The following ZNF486 variants were observed in gnomAD, a reference collection of about 807,000 sequenced individuals.
ZNF486 encodes zinc finger protein 486, also known as KRAB box only protein 2.
In ZNF486, 12 loss-of-function variants were observed where a neutral mutation model predicts 12.8. That is an observed-to-expected ratio of 0.94 (90% CI 0.60 to 1.52). The LOEUF (loss-of-function observed/expected upper bound fraction) is 1.52, where lower values mean the gene tolerates loss of function less well. Ranked by LOEUF, ZNF486 falls within the 40% of genes most tolerant of loss-of-function variation. ZNF486 has a pLI of 0.00. For synonymous variants in ZNF486, 231 were observed against 184.9 expected, an observed-to-expected ratio of 1.25 and a Z score of -2.02; for missense variants, 738 against 545.0, an observed-to-expected ratio of 1.35 and a Z score of -3.53.
At position 20,192,552 on chromosome 19, in the gene ZNF486, C is replaced by T. The variant is rs566120183; in HGVS notation, c.254-4412C>T. 2.0e-5 allele frequency among the ~76,000 whole-genome samples: 3 copies of T among 152,240 alleles called. No homozygotes were observed. The East Asian group carries it at 5.8e-4, about 29-fold the overall frequency. On this transcript the variant is annotated intron_variant, in intron 3 of 3. Coordinates refer to ENST00000335117, the MANE Select transcript of ZNF486 (RefSeq NM_052852.4). ...TAAACTTCTGACCTCAGGTGATCTGCCCGCCTCTGCCTCCCAAAGTGCTGG... is the reference window on the plus strand; with the variant it reads ...TAAACTTCTGACCTCAGGTGATCTGTCCGCCTCTGCCTCCCAAAGTGCTGG...
chr19:20,171,905 G>T (rs555999699), intron 1 of ZNF486, among the ~76,000 whole-genome samples: 1 of 151,426 alleles, frequency 6.6e-6, no homozygotes, highest in African/African-American at 2.4e-5. Flanking sequence ...AGTGTCTGTT[G>T]TTCTCCTCTT....
chr19:20,167,326 C>A lies in ZNF486; in HGVS notation c.-5C>A. The A allele has an allele frequency of 1.2e-6, 2 of 1,614,024 alleles. No individual in the cohort carries two copies. The highest frequency in any genetic ancestry group is 1.7e-6 in the Non-Finnish European group (2 of 1,179,930). ...CCTGTAGGTATTGGGAGATCCACAG[C>A]CAAGATGCCGGGACCCCTTAGAAGC... On this transcript the variant is annotated 5_prime_UTR_variant, in exon 1 of 4. Transcript: ENST00000335117.
intron 1 of ZNF486, among the ~76,000 whole-genome samples, chr19:20,182,122 T>A (rs1262591005): frequency 6.6e-6 from 1 of 152,170 alleles, no homozygotes; most frequent in Non-Finnish European, 1.5e-5. Context: ...GTATCAGAAG[T>A]ATTTGGTTGT....
intron 1 of ZNF486, among the ~76,000 whole-genome samples, chr19:20,177,461 CATG>C (rs2089732523): frequency 6.6e-6 from 1 of 152,358 alleles, no homozygotes; most frequent in South Asian, 2.1e-4. Flanking sequence ...CGATGTATGA[CATG>C]GTGCTTTAAA....
Position 20,197,844 on chromosome 19 carries a change from C to G in ZNF486, c.1134C>G (p.Tyr378Ter), listed in dbSNP as rs1365576361. The G allele has an allele frequency of 1.1e-5, 17 of 1,613,296 alleles. No homozygotes were observed. Among genetic ancestry groups the G allele is most frequent in the Non-Finnish European group, 1.4e-5 (17 of 1,179,938 alleles). ...HKIIHTGEKP[Y>*]KCEECGKAFT... ...TAATTCATACTGGAGAGAAACCATA[C>G]AAATGTGAAGAATGTGGCAAAGCCT... The change falls in exon 4 of 4, where the codon TAC becomes TAG. Residue 378 changes from tyrosine to a stop codon, truncating the protein, a stop_gained. Transcript: ENST00000335117. LOFTEE classifies it low-confidence loss of function (END_TRUNC).
At chr19:20,167,812 G>T (rs1185355091) in intron 1 of ZNF486, among the ~76,000 whole-genome samples, 5 of 152,074 alleles carry the variant, frequency 3.3e-5, no homozygotes, top group African/African-American at 1.2e-4. Context: ...GGAGGCGAAG[G>T]CTGGCGGATC....
intron 2 of ZNF486, 95 bp downstream of exon 2, chr19:20,184,577 A>T (rs2089821989): frequency 1.5e-6 from 2 of 1,347,576 alleles, no homozygotes; most frequent in East Asian, 5.2e-5. Flanking sequence ...CTTTGCATAA[A>T]AGAGTTCCAG....
rs782647401 is a variant in ZNF486 at position 20,184,441 on chromosome 19, G to T, written c.116G>T (p.Arg39Met). ...GACACTGCACAGCAGAATTTATATA[G>T]GGATGTGATGTTAGAGAACTACAGA... is the stretch of plus-strand genomic sequence containing the variant. ...CLDTAQQNLY[R>M]DVMLENYRHL... The change falls in exon 2 of 4, where the codon AGG becomes ATG. Residue 39 changes from arginine (R) to methionine (M), a missense_variant. Physicochemically the swap from Arg to Met is moderately conservative, Grantham distance 91. Transcript: ENST00000335117. 1 of 1,613,402 alleles carries T rather than the reference G, an allele frequency of 6.2e-7. No individual in the cohort carries two copies.
intron 3 of ZNF486, among the ~76,000 whole-genome samples, chr19:20,189,927 A>G (rs1358714390): frequency 6.6e-6 from 1 of 152,152 alleles, no homozygotes; most frequent in Admixed American, 6.5e-5. Flanking sequence ...ATTTTTTCTA[A>G]TAGATTTGTT....
intron 3 of ZNF486, 101 bp downstream of exon 3, chr19:20,186,183 C>T: frequency 1.3e-6 from 1 of 787,802 alleles, no homozygotes; most frequent in Non-Finnish European, 1.9e-6. Flanking sequence ...AAGCTGTGTT[C>T]CAAAGGAAAT....
rs1555718366 is a variant in ZNF486, at chr19:20,197,947, A to G, written c.1237A>G (p.Lys413Glu). The change falls in exon 4 of 4, where the codon AAA becomes GAA. Residue 413 changes from lysine (K) to glutamate (E), a missense_variant. Transcript: ENST00000335117. ...EKPYKCEECGKAYTTSSNLTE... is the reference protein window; with the variant it reads ...EKPYKCEECGEAYTTSSNLTE... ...ACCCTACAAATGTGAAGAATGTGGC[A>G]AAGCGTATACTACATCCTCAAATCT... 6.2e-7 allele frequency: 1 copy of G among 1,613,886 alleles called. No individual in the cohort carries two copies. Among genetic ancestry groups the G allele is most frequent in the Admixed American group, 1.7e-5 (1 of 60,006 alleles).
Position 20,199,153 on chromosome 19 carries a change from A to G in ZNF486, c.*1051A>G, listed in dbSNP as rs2089990134. 6.6e-6 allele frequency: 1 copy of G among 152,204 alleles called. No homozygotes were observed. Among genetic ancestry groups the G allele is most frequent in the South Asian group, 2.1e-4 (1 of 4,830 alleles). 9.4% of individuals were successfully genotyped at this position (152,204 alleles called of 1,614,324 possible). On this transcript the variant is annotated 3_prime_UTR_variant, in exon 4 of 4. Coordinates refer to ENST00000335117, the MANE Select transcript of ZNF486 (RefSeq NM_052852.4). ...GAATATGGAAAAGCCATTAATGTCC[A>G]TCACATCTTACTCAACAGAAGAAGG...
At chr19:20,177,254 A>C (rs1039362956) in intron 1 of ZNF486, among the ~76,000 whole-genome samples, 5 of 152,222 alleles carry the variant, frequency 3.3e-5, no homozygotes, top group Non-Finnish European at 7.3e-5. Context: ...CACTCCTCTA[A>C]ACTGTAACTA....
chr19:20,183,358 A>G (rs539825125), intron 1 of ZNF486, among the ~76,000 whole-genome samples: 2 of 152,286 alleles, frequency 1.3e-5, no homozygotes, highest in South Asian at 2.1e-4. Flanking sequence ...TTTTATATGG[A>G]ATGGCATTTA....
intron 1 of ZNF486, among the ~76,000 whole-genome samples, chr19:20,178,227 G>A (rs2089744665): frequency 6.6e-6 from 1 of 151,226 alleles, no homozygotes; most frequent in East Asian, 2.0e-4. Context: ...CATGTCCAGC[G>A]AAGAAAATTG....
chr19:20,184,605 A>G, intron 2 of ZNF486, 123 bp downstream of exon 2: 1 of 1,098,406 alleles, frequency 9.1e-7, no homozygotes, highest in Non-Finnish European at 1.2e-6. Flanking sequence ...TTTTCCAGAA[A>G]ATCTTCAGAA....
Position 20,197,093 on chromosome 19 carries a change from G to A in ZNF486, c.383G>A (p.Ser128Asn). 2 of 1,613,144 alleles carry A rather than the reference G, an allele frequency of 1.2e-6. No homozygotes were observed. Among genetic ancestry groups the A allele is most frequent in the South Asian group, 1.1e-5 (1 of 90,642 alleles). Reference protein sequence around the residue: ...GNLHFKKGCESVDECKLHKRG... With the variant: ...GNLHFKKGCENVDECKLHKRG... ...TTACACTTTAAAAAAGGCTGTGAAA[G>A]TGTGGATGAGTGTAAGTTACACAAA... The change falls in exon 4 of 4, where the codon AGT becomes AAT. Residue 128 changes from serine to asparagine, a missense_variant. Coordinates refer to ENST00000335117, the MANE Select transcript of ZNF486 (RefSeq NM_052852.4).
chr19:20,195,672 C>A (rs1454443437), intron 3 of ZNF486, among the ~76,000 whole-genome samples: 1 of 152,146 alleles, frequency 6.6e-6, no homozygotes, highest in Non-Finnish European at 1.5e-5. Context: ...AATCAATTGT[C>A]TTGGCTAGAG....
At chr19:20,170,942 T>G (rs1180639440) in intron 1 of ZNF486, among the ~76,000 whole-genome samples, 1 of 152,182 alleles carries the variant, frequency 6.6e-6, no homozygotes, top group African/African-American at 2.4e-5. Flanking sequence ...ATTATTGAAC[T>G]TCAGGAAGGT....
Sources: allele counts gnomAD v4.1 joint callset (sites outside exome capture counted in the v4.1 genomes callset), GRCh38; gene constraint gnomAD v4.1.1; transcripts MANE v1.5; gene names NCBI Gene and HGNC (gene_info 2026-07-23, HGNC 2026-07-21).